Variants in NCOA1 observed in about 807,000 individuals in gnomAD.
NCOA1 encodes the protein nuclear receptor coactivator 1.
A neutral mutation model predicts 150.9 loss-of-function variants in NCOA1; 35 were observed. That is an observed-to-expected ratio of 0.23 (90% CI 0.18 to 0.31). The LOEUF (loss-of-function observed/expected upper bound fraction) is 0.31, where lower values mean the gene tolerates loss of function less well. Ranked by LOEUF, NCOA1 falls within the 10% of genes least tolerant of loss-of-function variation. The pLI is 1.00. For missense variants in NCOA1, 1,491 were observed against 1,749.3 expected, an observed-to-expected ratio of 0.85 and a Z score of 2.63; for synonymous variants, 590 against 630.0, an observed-to-expected ratio of 0.94 and a Z score of 0.95.
intron 3 of NCOA1, among the ~76,000 whole-genome samples, chr2:24,586,567 G>A (rs982015839): frequency 6.6e-6 from 1 of 152,056 alleles, no homozygotes; most frequent in Admixed American, 6.5e-5. Context: ...TGCAACTTCT[G>A]CCTCCATAGC....
intron 2 of NCOA1, among the ~76,000 whole-genome samples, chr2:24,565,730 G>A (rs950183390): frequency 2.1e-4 from 32 of 152,210 alleles, no homozygotes; most frequent in Admixed American, 3.3e-4. Context: ...GGAGCAGCAG[G>A]GGGTGTGTGA....
At chr2:24,650,664 A>T (rs1670672651) in intron 4 of NCOA1, among the ~76,000 whole-genome samples, 1 of 152,258 alleles carries the variant, frequency 6.6e-6, no homozygotes, top group African/African-American at 2.4e-5. Flanking sequence ...ACCTGAAAAG[A>T]TATTTCTTTA....
rs185153299 is a variant in NCOA1 at position 24,608,735 on chromosome 2, A to G, written c.-175+24175A>G. On this transcript the variant is annotated intron_variant, in intron 3 of 22. Coordinates refer to ENST00000348332, the MANE Select transcript of NCOA1 (RefSeq NM_003743.5). ...TTTTTTTTTTTTTCATTTATATCCT[A>G]TATCCTCTTTCTGTCCAGGGTTCCC... Among the ~76,000 whole-genome samples, 44 of 108,656 alleles carry G rather than the reference A, an allele frequency of 4.0e-4. No individual in the cohort carries two copies. The East Asian group carries it at 9.5e-3, about 23-fold the overall frequency. 71.3% of individuals were successfully genotyped at this position (108,656 alleles called of 152,430 possible). A position where few individuals can be genotyped will look rare whatever the true frequency, so the allele number is the denominator to read the frequency against.
At chr2:24,701,806 T>G (rs1673176655) in intron 11 of NCOA1, among the ~76,000 whole-genome samples, 1 of 152,198 alleles carries the variant, frequency 6.6e-6, no homozygotes. Flanking sequence ...AGCACAGGAA[T>G]TTGAGATCAG....
chr2:24,584,061 C>T (rs1387198012), intron 2 of NCOA1, among the ~76,000 whole-genome samples: 1 of 151,944 alleles, frequency 6.6e-6, no homozygotes, highest in Admixed American at 6.6e-5. Context: ...GTTCCTAACA[C>T]AAAGATGATG....
chr2:24,694,826 A>T (rs1055798472), intron 10 of NCOA1, among the ~76,000 whole-genome samples: 1 of 152,046 alleles, frequency 6.6e-6, no homozygotes, highest in African/African-American at 2.4e-5. Flanking sequence ...ATTTTTTTAA[A>T]ATTTTTTTTT....
intron 1 of NCOA1, among the ~76,000 whole-genome samples, chr2:24,516,665 C>G (rs983929350): frequency 4.0e-5 from 6 of 151,296 alleles, no homozygotes; most frequent in African/African-American, 1.5e-4. Flanking sequence ...GGTTTAATCC[C>G]CCTTCAATTC....
chr2:24,647,180 A>G (rs1193821661), intron 4 of NCOA1, among the ~76,000 whole-genome samples: 1 of 152,160 alleles, frequency 6.6e-6, no homozygotes, highest in East Asian at 1.9e-4. Context: ...TACTGGATAT[A>G]TTAAGGAAAT....
chr2:24,699,595 ATTT>A (rs1673059575), intron 11 of NCOA1, among the ~76,000 whole-genome samples: 1 of 152,072 alleles, frequency 6.6e-6, no homozygotes, highest in East Asian at 1.9e-4. Context: ...AAATAACTGT[ATTT>A]TTCTTAGAAT....
chr2:24,649,033 T>C (rs1670600805), intron 4 of NCOA1, among the ~76,000 whole-genome samples: 1 of 152,096 alleles, frequency 6.6e-6, no homozygotes, highest in South Asian at 2.1e-4. Flanking sequence ...ATTATCTGAA[T>C]CTCTGAAAGA....
rs369640747 is a variant in NCOA1, at chr2:24,640,463, T to C, written c.-174-3503T>C. Reference sequence around the variant, plus strand: ...TGTACAGATTTTTCTATTTCTCTTTTAAGTTCTGTTTATGCTTCATTTATT... The same window carrying C: ...TGTACAGATTTTTCTATTTCTCTTTCAAGTTCTGTTTATGCTTCATTTATT... On this transcript the variant is annotated intron_variant, in intron 3 of 22. Transcript: ENST00000348332. 1.2e-4 allele frequency among the ~76,000 whole-genome samples: 19 copies of C among 152,314 alleles called. No homozygotes were observed. In the East Asian group the frequency reaches 3.5e-3, roughly 28 times the overall value.
chr2:24,577,877 C>G (rs1298103723), intron 2 of NCOA1, among the ~76,000 whole-genome samples: 1 of 152,120 alleles, frequency 6.6e-6, no homozygotes, highest in African/African-American at 2.4e-5. Context: ...ACGGTTCAGT[C>G]TCTCTGAAAA....
At position 24,521,427 on chromosome 2, in the gene NCOA1, A is replaced by G. The variant is rs974339574; in HGVS notation, c.-396+29825A>G. Among the ~76,000 whole-genome samples, 10 of 152,020 alleles carry G rather than the reference A, an allele frequency of 6.6e-5. 1 individual carries two copies. The South Asian group carries it at 1.7e-3, about 25-fold the overall frequency. ...TTCAGCCTCTGATAACCATCATTCT[A>G]TTCTCTGCTTCTATGAGTTCAACTT... is the stretch of plus-strand genomic sequence containing the variant. On this transcript the variant is annotated intron_variant, in intron 1 of 22. Coordinates refer to ENST00000348332, the MANE Select transcript of NCOA1 (RefSeq NM_003743.5).
At chr2:24,640,857 T>C (rs985355238) in intron 3 of NCOA1, among the ~76,000 whole-genome samples, 1 of 152,118 alleles carries the variant, frequency 6.6e-6, no homozygotes, top group Non-Finnish European at 1.5e-5. Context: ...ATACCTCTTA[T>C]TGACAGCATA....
chr2:24,601,025 C>T (rs1404377738), intron 3 of NCOA1, among the ~76,000 whole-genome samples: 1 of 151,768 alleles, frequency 6.6e-6, no homozygotes, highest in Non-Finnish European at 1.5e-5. Context: ...AAAGATTTGT[C>T]ACATAAAATT....
intron 1 of NCOA1, among the ~76,000 whole-genome samples, chr2:24,542,525 A>G (rs1665440624): frequency 6.6e-6 from 1 of 152,242 alleles, no homozygotes; most frequent in African/African-American, 2.4e-5. Context: ...ATAAAATATA[A>G]CAATAATTTT....
chr2:24,729,870 A>T, intron 17 of NCOA1, 55 bp downstream of exon 17: 2 of 1,404,908 alleles, frequency 1.4e-6, no homozygotes. Flanking sequence ...ACGAAGTCTC[A>T]CCTGTCACCA....
chr2:24,724,882 CAGAA>C (rs1674529262), intron 14 of NCOA1, among the ~76,000 whole-genome samples: 1 of 151,980 alleles, frequency 6.6e-6, no homozygotes, highest in Non-Finnish European at 1.5e-5. Context: ...TAAATAATGA[CAGAA>C]AGTAAGTGAT....
At chr2:24,595,233 T>G (rs912542558) in intron 3 of NCOA1, among the ~76,000 whole-genome samples, 1 of 152,098 alleles carries the variant, frequency 6.6e-6, no homozygotes, top group South Asian at 2.1e-4. Flanking sequence ...TATAACTTGT[T>G]TTTTAAAAAT....
Sources: allele counts gnomAD v4.1 joint callset (sites outside exome capture counted in the v4.1 genomes callset), GRCh38; gene constraint gnomAD v4.1.1; transcripts MANE v1.5; gene names NCBI Gene and HGNC (gene_info 2026-07-23, HGNC 2026-07-21).